SPATA6: variants seen among roughly 807,000 people sequenced by gnomAD.
The protein encoded by SPATA6 is spermatogenesis-associated protein 6.
A neutral mutation model predicts 65.3 loss-of-function variants in SPATA6; 56 were observed. That is an observed-to-expected ratio of 0.86 (90% CI 0.69 to 1.07). The LOEUF (loss-of-function observed/expected upper bound fraction) is 1.07. Among genes scored for constraint, SPATA6 ranks in the 50% least tolerant of loss-of-function variants. The pLI, the probability that SPATA6 is intolerant of heterozygous loss-of-function variation, is 0.00. For missense variants in SPATA6, 590 were observed against 594.8 expected (o/e 0.99, Z 0.08); for synonymous variants, 199 against 213.2 (o/e 0.93, Z 0.58).
intron 11 of SPATA6, among the ~76,000 whole-genome samples, chr1:48,333,451 G>T (rs1236994592): frequency 1.3e-5 from 2 of 152,150 alleles, no homozygotes; most frequent in Non-Finnish European, 2.9e-5. Context: ...TCAACTTGCA[G>T]ACAGTCTATC....
intron 11 of SPATA6, among the ~76,000 whole-genome samples, chr1:48,349,553 T>C (rs1431615337): frequency 1.3e-5 from 2 of 151,948 alleles, no homozygotes; most frequent in Admixed American, 6.6e-5. Flanking sequence ...TACATATCTA[T>C]GAGTTTTGAC....
At chr1:48,325,567 A>C (rs546954201) in intron 11 of SPATA6, 8 of 1,007,098 alleles carry the variant, frequency 7.9e-6, no homozygotes, top group Non-Finnish European at 1.3e-5. Flanking sequence ...GGAATGTTAG[A>C]TTTCCCTCCT....
At position 48,298,387 on chromosome 1, in the gene SPATA6, A is replaced by C. The variant is rs557804733; in HGVS notation, c.*326T>G. The stretch of plus-strand genomic sequence containing the variant: ...AATTGCAAGGTGAGTAAGGCAAAAA[A>C]AACATTTCTAGAAAGGAACTATTCT... On this transcript the variant is annotated 3_prime_UTR_variant, in exon 13 of 13. Transcript: ENST00000371847. The C allele has an allele frequency of 1.1e-5, 2 of 174,702 alleles. No individual in the cohort carries two copies. The highest frequency in any genetic ancestry group is 2.4e-5 in the Non-Finnish European group (2 of 83,352). The allele number at this position is 174,702 out of a possible 1,614,324, so 10.8% of individuals were successfully genotyped here.
Position 48,322,822 on chromosome 1 carries a change from G to T in SPATA6, c.1195-16944C>A, listed in dbSNP as rs142087483. 5.2e-3 allele frequency among the ~76,000 whole-genome samples: 790 copies of T among 152,298 alleles called. 20 individuals are homozygous for T. The highest frequency in any genetic ancestry group is 0.05 in the South Asian group (241 of 4,826). On this transcript the variant is annotated intron_variant, in intron 11 of 12. Coordinates refer to ENST00000371847, the MANE Select transcript of SPATA6 (RefSeq NM_019073.4). ...GCAGCCAACAAACTTATGAAAAAAT[G>T]CTCATCATCATTGGTCATTAGAGAA...
intron 9 of SPATA6, among the ~76,000 whole-genome samples, chr1:48,384,048 T>C (rs1649121858): frequency 6.6e-6 from 1 of 150,982 alleles, no homozygotes; most frequent in Non-Finnish European, 1.5e-5. Flanking sequence ...TGGGCACCAT[T>C]GAGCACTGAG....
At chr1:48,410,184 T>G (rs1295992677) in intron 5 of SPATA6, among the ~76,000 whole-genome samples, 2 of 152,190 alleles carry the variant, frequency 1.3e-5, no homozygotes, top group African/African-American at 4.8e-5. Flanking sequence ...CCAGATACCC[T>G]AAATCATCTC....
chr1:48,359,066 A>G (rs1646736204), intron 10 of SPATA6, among the ~76,000 whole-genome samples: 2 of 152,198 alleles, frequency 1.3e-5, no homozygotes, highest in African/African-American at 4.8e-5. Context: ...GGAACTATTT[A>G]TTTCACATCC....
chr1:48,285,521 G>C, the SPATA6 span, among the ~76,000 whole-genome samples: 8 of 150,408 alleles, frequency 5.3e-5, no homozygotes, highest in East Asian at 1.6e-3. Flanking sequence ...CTCGGTGTCT[G>C]CCCAAATGGC....
At chr1:48,338,588 G>A (rs1003762139) in intron 11 of SPATA6, among the ~76,000 whole-genome samples, 1 of 151,966 alleles carries the variant, frequency 6.6e-6, no homozygotes, top group African/African-American at 2.4e-5. Context: ...AAAAAATTGG[G>A]TCTTGGCAAC....
At chr1:48,433,037 C>T (rs1451677043) in intron 3 of SPATA6, among the ~76,000 whole-genome samples, 1 of 152,010 alleles carries the variant, frequency 6.6e-6, no homozygotes, top group African/African-American at 2.4e-5. Flanking sequence ...TTAAAAAACA[C>T]ATAAATACAG....
At position 48,320,884 on chromosome 1, in the gene SPATA6, G is replaced by A. The variant is rs117262170; in HGVS notation, c.1195-15006C>T. On this transcript the variant is annotated intron_variant, in intron 11 of 12. Coordinates refer to ENST00000371847, the MANE Select transcript of SPATA6 (RefSeq NM_019073.4). ...AAAAGAGGGGAGATGAAATTAAAGT[G>A]TGGAGTTTTTATTCATTTTCTTTTT... is the stretch of plus-strand genomic sequence containing the variant. 1.1e-3 allele frequency among the ~76,000 whole-genome samples: 172 copies of A among 152,246 alleles called. 1 individual carries two copies. The East Asian group carries it at 0.03, about 27-fold the overall frequency.
At chr1:48,287,892 G>GAA in the SPATA6 span, among the ~76,000 whole-genome samples, 2 of 152,210 alleles carry the variant, frequency 1.3e-5, no homozygotes, top group African/African-American at 4.8e-5. Context: ...AATCTTAGAG[G>GAA]AAAAGTTTTA....
the SPATA6 span, among the ~76,000 whole-genome samples, chr1:48,283,771 G>A: frequency 2.0e-5 from 3 of 150,274 alleles, no homozygotes; most frequent in Non-Finnish European, 4.4e-5. Flanking sequence ...CTCTCTTCTG[G>A]CATTTAGGGT....
At chr1:48,445,944 T>C (rs1656009156) in intron 3 of SPATA6, among the ~76,000 whole-genome samples, 1 of 152,092 alleles carries the variant, frequency 6.6e-6, no homozygotes, top group South Asian at 2.1e-4. Context: ...ATTATAAATG[T>C]ATAAGCAATC....
chr1:48,364,060 T>C (rs186785783), intron 9 of SPATA6, among the ~76,000 whole-genome samples: 3,596 of 152,218 alleles, frequency 0.024, 39 homozygotes, highest in South Asian at 0.06. Context: ...TGTTTGGTTT[T>C]TTGTCCTTGC....
the SPATA6 span, among the ~76,000 whole-genome samples, chr1:48,273,032 C>T: frequency 0.025 from 3,763 of 152,172 alleles, 99 homozygotes; most frequent in African/African-American, 0.067. Context: ...ATTGAATATA[C>T]GGTTTGCAAA....
intron 1 of SPATA6, among the ~76,000 whole-genome samples, chr1:48,466,023 A>G (rs1247213665): frequency 1.3e-5 from 2 of 152,130 alleles, no homozygotes; most frequent in Non-Finnish European, 2.9e-5. Flanking sequence ...AACAATTAAT[A>G]CCACAGGACT....
At chr1:48,417,405 A>G (rs563822422) in intron 3 of SPATA6, among the ~76,000 whole-genome samples, 54 of 152,368 alleles carry the variant, frequency 3.5e-4, no homozygotes, top group African/African-American at 1.2e-3. Context: ...ATTATCATGT[A>G]TAATTAAAGA....
At chr1:48,457,753 T>C (rs1657120869) in intron 1 of SPATA6, among the ~76,000 whole-genome samples, 1 of 152,122 alleles carries the variant, frequency 6.6e-6, no homozygotes, top group Non-Finnish European at 1.5e-5. Flanking sequence ...TTAAAGAGAA[T>C]CTTTCAGGTT....
Sources: allele counts gnomAD v4.1 joint callset (sites outside exome capture counted in the v4.1 genomes callset), GRCh38; gene constraint gnomAD v4.1.1; transcripts MANE v1.5; gene names NCBI Gene and HGNC (gene_info 2026-07-23, HGNC 2026-07-21).